Variants in CEMIP observed in about 807,000 individuals in gnomAD.
The protein encoded by CEMIP is cell migration inducing hyaluronidase 1, also known as cell migration-inducing and hyaluronan-binding protein.
CEMIP carries 105 observed loss-of-function variants against 156.9 expected under a neutral mutation model. That is an observed-to-expected ratio of 0.67 (90% CI 0.57 to 0.79). The LOEUF (loss-of-function observed/expected upper bound fraction) is 0.79, where lower values mean the gene tolerates loss of function less well. Ranked by LOEUF, CEMIP falls within the 30% of genes least tolerant of loss-of-function variation. The pLI is 0.00. For missense variants in CEMIP, 1,457 were observed against 1,769.4 expected (o/e 0.82, Z 3.17); for synonymous variants, 676 against 668.4 (o/e 1.01, Z -0.17).
chr15:80,790,835 A>T (rs1214316626), intron 1 of CEMIP, among the ~76,000 whole-genome samples: 1 of 151,938 alleles, frequency 6.6e-6, no homozygotes, highest in Admixed American at 6.6e-5. Context: ...TTCAGAGATG[A>T]CTCCGTTGCA....
intron 12 of CEMIP, chr15:80,896,269 C>T: frequency 1.4e-6 from 1 of 692,488 alleles, no homozygotes. Context: ...TAGACTGAGC[C>T]TGACTCCAGG....
intron 4 of CEMIP, 81 bp from the exon 5 acceptor site, chr15:80,879,635 T>C: frequency 6.4e-7 from 1 of 1,555,336 alleles, no homozygotes; most frequent in Non-Finnish European, 8.9e-7. Flanking sequence ...GGGGAGTGCT[T>C]AGGGAGTCTG....
chr15:80,900,632 GTGTGTGTGTGTGTGTGTC>G (rs1567090879), intron 12 of CEMIP, among the ~76,000 whole-genome samples: 95 of 134,798 alleles, frequency 7.0e-4, no homozygotes, highest in Middle Eastern at 3.8e-3. Context: ...GTGTGTGTGT[GTGTGTGTGTGTGTGTGTC>G]TGTGTGTGTG....
intron 1 of CEMIP, among the ~76,000 whole-genome samples, chr15:80,867,871 G>A (rs1331112767): frequency 6.6e-6 from 1 of 152,164 alleles, no homozygotes; most frequent in Admixed American, 6.5e-5. Context: ...CGGTGGGGCA[G>A]GGGGGCGGCG....
intron 1 of CEMIP, among the ~76,000 whole-genome samples, chr15:80,863,768 C>T (rs1370979007): frequency 1.3e-5 from 2 of 152,196 alleles, no homozygotes; most frequent in Admixed American, 1.3e-4. Context: ...AATAGATCTG[C>T]TCCCTATGTG....
chr15:80,847,371 G>A (rs910583416), intron 1 of CEMIP, among the ~76,000 whole-genome samples: 6 of 152,192 alleles, frequency 3.9e-5, no homozygotes, highest in African/African-American at 1.2e-4. Context: ...TTGGAAACAA[G>A]TGAGGAGTGA....
In CEMIP at chr15:80,826,539, G is replaced by A. The variant is rs569572392; in HGVS notation, c.-176+46925G>A. 2.6e-5 allele frequency among the ~76,000 whole-genome samples: 4 copies of A among 152,332 alleles called. No individual in the cohort carries two copies. In the South Asian group the frequency reaches 8.3e-4, roughly 32 times the overall value. On this transcript the variant is annotated intron_variant, in intron 1 of 29. Coordinates refer to ENST00000394685, the MANE Select transcript of CEMIP (RefSeq NM_001293298.2). ...GTTTATGCAGCAACTCATGATCAGA[G>A]CGAGTCTTGCAGAGAACTAAGACCT... is the stretch of plus-strand genomic sequence containing the variant.
At position 80,933,476 on chromosome 15, in the gene CEMIP, TG is replaced by T. The variant is rs1901003751; in HGVS notation, c.3009+21del. On this transcript the variant is annotated intron_variant, in intron 23 of 29. Coordinates refer to ENST00000394685, the MANE Select transcript of CEMIP (RefSeq NM_001293298.2). ...CTATGCACAGGTGGGGACACCATTC[TG>T]GGGGCCGGCCACTCACTTATTCACT... The T allele has an allele frequency of 6.2e-7, 1 of 1,603,972 alleles. No individual in the cohort carries two copies. The highest frequency in any genetic ancestry group is 8.5e-7 in the Non-Finnish European group (1 of 1,171,058).
At chr15:80,827,160 CCAGTGATGATTTTGTTCCACCATTT>C (rs1160722708) in intron 1 of CEMIP, among the ~76,000 whole-genome samples, 1 of 152,152 alleles carries the variant, frequency 6.6e-6, no homozygotes, top group Non-Finnish European at 1.5e-5. Context: ...TGACGTGTCC[CCAGTGATGATTTTGTTCCACCATTT>C]GAAGCACATG....
At chr15:80,844,517 G>A (rs558159711) in intron 1 of CEMIP, among the ~76,000 whole-genome samples, 12 of 152,150 alleles carry the variant, frequency 7.9e-5, no homozygotes, top group Non-Finnish European at 1.8e-4. Flanking sequence ...TCCATGGTAG[G>A]ACTGTGTTCC....
intron 1 of CEMIP, among the ~76,000 whole-genome samples, chr15:80,827,108 C>T (rs1897053942): frequency 6.6e-6 from 1 of 152,186 alleles, no homozygotes; most frequent in Admixed American, 6.5e-5. Context: ...AGACAAATCA[C>T]TACCATGCAC....
chr15:80,854,233 C>T (rs1596135693), intron 1 of CEMIP, among the ~76,000 whole-genome samples: 5 of 152,224 alleles, frequency 3.3e-5, no homozygotes, highest in Admixed American at 3.3e-4. Context: ...GCAACACGGC[C>T]GACTAGAGCT....
chr15:80,942,466 G>A (rs1901381084), intron 27 of CEMIP, 129 bp downstream of exon 27: 2 of 791,010 alleles, frequency 2.5e-6, no homozygotes, highest in Admixed American at 2.0e-5. Flanking sequence ...CCTCCAGGGG[G>A]CTTGGGGCGG....
chr15:80,813,513 T>C (rs143277001), intron 1 of CEMIP, among the ~76,000 whole-genome samples: 416 of 151,998 alleles, frequency 2.7e-3, no homozygotes, highest in Middle Eastern at 0.014. Flanking sequence ...ACCCAGCTGA[T>C]TTTTGTATTT....
intron 1 of CEMIP, among the ~76,000 whole-genome samples, chr15:80,817,602 AAATAATAATAATAATAATAATAAT>A (rs59356064): frequency 1.7e-4 from 24 of 138,760 alleles, no homozygotes; most frequent in African/African-American, 6.1e-4. Flanking sequence ...CCCTGTCTCA[AAATAATAATAATAATAATAATAAT>A]AATAATAATA....
intron 6 of CEMIP, among the ~76,000 whole-genome samples, chr15:80,883,727 T>A (rs1008782649): frequency 1.3e-5 from 2 of 152,320 alleles, no homozygotes; most frequent in African/African-American, 4.8e-5. Context: ...TTCCAAGAAT[T>A]CTGGGATTGG....
intron 1 of CEMIP, among the ~76,000 whole-genome samples, chr15:80,824,726 G>A (rs1012288308): frequency 1.3e-5 from 2 of 152,216 alleles, no homozygotes; most frequent in African/African-American, 2.4e-5. Context: ...CATTTTATAA[G>A]TAGTTGGAAA....
At chr15:80,805,053 G>C (rs1053793389) in intron 1 of CEMIP, among the ~76,000 whole-genome samples, 2 of 152,062 alleles carry the variant, frequency 1.3e-5, no homozygotes, top group Non-Finnish European at 2.9e-5. Flanking sequence ...TAGCACGAGA[G>C]GGCCCCAATT....
intron 12 of CEMIP, among the ~76,000 whole-genome samples, chr15:80,902,064 T>G (rs1414609310): frequency 1.3e-5 from 2 of 152,230 alleles, no homozygotes; most frequent in African/African-American, 4.8e-5. Flanking sequence ...CCAGACTCAC[T>G]GAGTCCTGCT....
Sources: allele counts gnomAD v4.1 joint callset (sites outside exome capture counted in the v4.1 genomes callset), GRCh38; gene constraint gnomAD v4.1.1; transcripts MANE v1.5; gene names NCBI Gene and HGNC (gene_info 2026-07-23, HGNC 2026-07-21).